The following TUBA1C variants were observed in gnomAD, a reference collection of about 807,000 sequenced individuals.
TUBA1C encodes tubulin alpha 1c.
Under a neutral mutation model 34.9 loss-of-function variants are expected in TUBA1C, and 16 were observed. That is an observed-to-expected ratio of 0.46 (90% CI 0.31 to 0.70). The LOEUF (loss-of-function observed/expected upper bound fraction) is 0.70. TUBA1C is among the 30% of genes least tolerant of loss of function. TUBA1C has a pLI of 0.05. For missense variants in TUBA1C, 329 were observed against 587.3 expected (o/e 0.56, Z 4.55); for synonymous variants, 177 against 215.9 (o/e 0.82, Z 1.58).
intron 1 of TUBA1C, among the ~76,000 whole-genome samples, chr12:49,267,122 G>T (rs1942924877): frequency 6.6e-6 from 1 of 152,208 alleles, no homozygotes; most frequent in Non-Finnish European, 1.5e-5. Flanking sequence ...GTGGCCAGGG[G>T]AGAGTGGAGG....
chr12:49,264,725 G>A (rs1298291487), upstream of TUBA1C: 2 of 160,958 alleles, frequency 1.2e-5, no homozygotes, highest in East Asian at 3.5e-4. Flanking sequence ...CAGACGTCCG[G>A]CCTGCTCCCT....
intron 3 of TUBA1C, among the ~76,000 whole-genome samples, chr12:49,270,413 C>G (rs1247488285): frequency 6.6e-6 from 1 of 152,204 alleles, no homozygotes; most frequent in Non-Finnish European, 1.5e-5. Context: ...CGGGAGCTTC[C>G]TTATGAAGTG....
At chr12:49,246,531 C>T (rs988508430) in intron 1 of TUBA1C, among the ~76,000 whole-genome samples, 4 of 151,780 alleles carry the variant, frequency 2.6e-5, no homozygotes, top group Non-Finnish European at 5.9e-5. Flanking sequence ...TACAATTAGC[C>T]GGGTGTGGTG....
intron 1 of TUBA1C, among the ~76,000 whole-genome samples, chr12:49,236,800 A>G (rs990662864): frequency 2.6e-5 from 4 of 152,330 alleles, no homozygotes; most frequent in African/African-American, 9.6e-5. Flanking sequence ...ACTGTAGGCA[A>G]TTATAACACC....
At chr12:49,235,283 G>A (rs192725433) in intron 1 of TUBA1C, among the ~76,000 whole-genome samples, 250 of 151,894 alleles carry the variant, frequency 1.6e-3, no homozygotes, top group African/African-American at 5.6e-3. Context: ...CTTCCTGTTA[G>A]TTCCAGATTT....
intron 1 of TUBA1C, among the ~76,000 whole-genome samples, chr12:49,267,676 G>A (rs1177365226): frequency 2.6e-5 from 4 of 152,172 alleles, no homozygotes; most frequent in East Asian, 1.9e-4. Context: ...AATAGTCATG[G>A]GCTAATTAGA....
chr12:49,256,189 C>A (rs189782506), intron 1 of TUBA1C, among the ~76,000 whole-genome samples: 235 of 152,302 alleles, frequency 1.5e-3, no homozygotes, highest in Non-Finnish European at 2.1e-3. Context: ...CCATGAAACC[C>A]CCAATGCAAC....
chr12:49,235,108 G>A (rs1397005045), intron 1 of TUBA1C, among the ~76,000 whole-genome samples: 1 of 140,688 alleles, frequency 7.1e-6, no homozygotes, highest in South Asian at 2.2e-4. Context: ...GAGCGACTGC[G>A]CCCGGCCAAA....
intron 1 of TUBA1C, among the ~76,000 whole-genome samples, chr12:49,248,817 A>G (rs1364558028): frequency 2.7e-5 from 4 of 148,990 alleles, no homozygotes; most frequent in East Asian, 2.0e-4. Flanking sequence ...GCAGTGAGCC[A>G]AGATCGCGCC....
chr12:49,239,888 G>C (rs1355736650), intron 1 of TUBA1C, among the ~76,000 whole-genome samples: 2 of 152,068 alleles, frequency 1.3e-5, no homozygotes, highest in Non-Finnish European at 1.5e-5. Flanking sequence ...AGGGCCTCTG[G>C]CTTGGGACAG....
In TUBA1C at chr12:49,265,113, G is replaced by C. The variant is rs532919554; in HGVS notation, c.-69G>C. ...TCTCCCCCGGACTCCTTGGTAGTCTGTTAGTGGGAGATCCTTGTTGCCGTC... is the reference window on the plus strand; with the variant it reads ...TCTCCCCCGGACTCCTTGGTAGTCTCTTAGTGGGAGATCCTTGTTGCCGTC... On this transcript the variant is annotated 5_prime_UTR_variant, in exon 1 of 4. Coordinates refer to ENST00000301072, the MANE Select transcript of TUBA1C (RefSeq NM_032704.5). 1 of 1,579,898 alleles carries C rather than the reference G, an allele frequency of 6.3e-7. No homozygotes were observed. The highest frequency in any genetic ancestry group is 1.7e-5 in the Admixed American group (1 of 58,636).
chr12:49,238,048 G>A (rs1228781182), intron 1 of TUBA1C, among the ~76,000 whole-genome samples: 1 of 151,146 alleles, frequency 6.6e-6, no homozygotes, highest in Non-Finnish European at 1.5e-5. Flanking sequence ...GGCAGAGGTT[G>A]CAGTGAGCCA....
At chr12:49,239,580 G>A (rs575809836) in intron 1 of TUBA1C, among the ~76,000 whole-genome samples, 2 of 151,520 alleles carry the variant, frequency 1.3e-5, no homozygotes, top group South Asian at 2.1e-4. Context: ...GGTGGAGGTC[G>A]CAGCGAACTG....
At chr12:49,269,215 A>G (rs928819104) in intron 1 of TUBA1C, among the ~76,000 whole-genome samples, 1 of 152,064 alleles carries the variant, frequency 6.6e-6, no homozygotes, top group Non-Finnish European at 1.5e-5. Context: ...GTGCGCCATC[A>G]TGCCTGGCTA....
At chr12:49,238,217 A>T (rs1324509866) in intron 1 of TUBA1C, among the ~76,000 whole-genome samples, 3 of 152,182 alleles carry the variant, frequency 2.0e-5, no homozygotes, top group African/African-American at 7.2e-5. Context: ...GGAAATACTG[A>T]TGGCTAGTGC....
chr12:49,266,761 A>G (rs946295946), intron 1 of TUBA1C, among the ~76,000 whole-genome samples: 3 of 151,988 alleles, frequency 2.0e-5, no homozygotes, highest in African/African-American at 7.3e-5. Context: ...GGGTGGGAGG[A>G]TCTTTTGATC....
chr12:49,273,541 C>T lies in TUBA1C; in HGVS notation c.*314C>T. 4.9e-6 allele frequency: 2 copies of T among 409,332 alleles called. No individual in the cohort carries two copies. The highest frequency in any genetic ancestry group is 2.2e-5 in the South Asian group (1 of 45,170). 25.4% of individuals were successfully genotyped at this position (409,332 alleles called of 1,614,324 possible). On this transcript the variant is annotated 3_prime_UTR_variant, in exon 4 of 4. Coordinates refer to ENST00000301072, the MANE Select transcript of TUBA1C (RefSeq NM_032704.5). The stretch of plus-strand genomic sequence containing the variant: ...AGTAGCTGGGGACTGCAGGTGCACA[C>T]CACCATGCCCAGCTATTTTTATTTC...
At chr12:49,254,500 A>C (rs1341490764) in intron 1 of TUBA1C, among the ~76,000 whole-genome samples, 2 of 151,510 alleles carry the variant, frequency 1.3e-5, no homozygotes, top group African/African-American at 4.9e-5. Context: ...AAAAAAAAAA[A>C]AAAAAAAACG....
chr12:49,236,082 G>T (rs1030088562), intron 1 of TUBA1C, among the ~76,000 whole-genome samples: 1 of 152,240 alleles, frequency 6.6e-6, no homozygotes, highest in African/African-American at 2.4e-5. Flanking sequence ...GGAGTAGGGA[G>T]ATGTTAAAAT....
Sources: gnomAD v4.1 joint callset for allele counts (sites outside exome capture counted in the v4.1 genomes callset) on GRCh38, gnomAD v4.1.1 for gene constraint, MANE v1.5 for transcripts, NCBI Gene and HGNC (gene_info 2026-07-23, HGNC 2026-07-21) for gene names.